BACH2: variants seen among roughly 807,000 people sequenced by gnomAD.
BACH2 encodes transcription regulator protein BACH2.
A neutral mutation model predicts 61.8 loss-of-function variants in BACH2; 5 were observed. The ratio of observed to expected loss-of-function variants is 0.08; its 90% CI spans 0.04 to 0.17. The LOEUF (loss-of-function observed/expected upper bound fraction) is 0.17. Among genes scored for constraint, BACH2 ranks in the 10% least tolerant of loss-of-function variants. The probability of loss-of-function intolerance (pLI) is 1.00; values close to 1 mark genes in which losing one functional copy is unlikely to be tolerated. For synonymous variants in BACH2, 446 were observed against 440.1 expected, an observed-to-expected ratio of 1.01 and a Z score of -0.17; for missense variants, 824 against 1,091.1, an observed-to-expected ratio of 0.76 and a Z score of 3.45.
chr6:90,060,932 G>A (rs1780653841), intron 5 of BACH2, among the ~76,000 whole-genome samples: 1 of 152,076 alleles, frequency 6.6e-6, no homozygotes, highest in African/African-American at 2.4e-5. Flanking sequence ...GTTTACTGTT[G>A]ACATATATGC....
chr6:90,013,593 G>A (rs1370093592), intron 5 of BACH2, among the ~76,000 whole-genome samples: 2 of 148,772 alleles, frequency 1.3e-5, no homozygotes, highest in African/African-American at 2.5e-5. Context: ...TGCAAGCTCT[G>A]CCTCCTGGGT....
At chr6:90,049,962 T>C (rs780755803) in intron 5 of BACH2, among the ~76,000 whole-genome samples, 1 of 152,186 alleles carries the variant, frequency 6.6e-6, no homozygotes, top group South Asian at 2.1e-4. Context: ...TGGGAGACAT[T>C]TTCTTGAAAT....
At chr6:90,271,019 G>A (rs1210665791) in intron 2 of BACH2, among the ~76,000 whole-genome samples, 2 of 152,118 alleles carry the variant, frequency 1.3e-5, no homozygotes, top group Non-Finnish European at 2.9e-5. Context: ...TAATTGGCAA[G>A]CCACATGTAG....
At chr6:90,258,942 C>G (rs1048546098) in intron 2 of BACH2, among the ~76,000 whole-genome samples, 2 of 152,036 alleles carry the variant, frequency 1.3e-5, no homozygotes, top group African/African-American at 4.8e-5. Context: ...ATTCGTTGTT[C>G]TAACAGTTTT....
intron 4 of BACH2, among the ~76,000 whole-genome samples, chr6:90,156,880 G>GA (rs1785012577): frequency 6.6e-6 from 1 of 152,228 alleles, no homozygotes; most frequent in African/African-American, 2.4e-5. Context: ...AGGCGGCCCT[G>GA]AAAATCTCAT....
chr6:90,133,787 C>T lies in BACH2; in HGVS notation c.-161-44678G>A, dbSNP rs570271108. Among the ~76,000 whole-genome samples, 240 of 152,100 alleles carry T rather than the reference C, an allele frequency of 1.6e-3. 1 individual carries two copies. The highest frequency in any genetic ancestry group is 4.4e-3 in the African/African-American group (184 of 41,496). On this transcript the variant is annotated intron_variant, in intron 4 of 8. Coordinates refer to ENST00000257749, the MANE Select transcript of BACH2 (RefSeq NM_021813.4). Reference sequence around the variant, plus strand: ...ATTCCCACCTATGAGTGAGAACATGCGGTGTTTGGTTTTTTGCCCTTGCGA... The same window carrying T: ...ATTCCCACCTATGAGTGAGAACATGTGGTGTTTGGTTTTTTGCCCTTGCGA...
chr6:90,062,836 C>T (rs955786992), intron 5 of BACH2: 4 of 690,578 alleles, frequency 5.8e-6, no homozygotes, highest in East Asian at 1.4e-4. Context: ...ATCCTGAGAG[C>T]AGTGTGGGTA....
At chr6:90,291,770 T>C (rs767095768) in intron 1 of BACH2, among the ~76,000 whole-genome samples, 4 of 152,234 alleles carry the variant, frequency 2.6e-5, no homozygotes, top group Admixed American at 6.5e-5. Context: ...TATATTGCTA[T>C]TAACAATACA....
chr6:90,276,068 G>T (rs968977767), intron 1 of BACH2, among the ~76,000 whole-genome samples: 5 of 152,140 alleles, frequency 3.3e-5, no homozygotes, highest in Admixed American at 6.5e-5. Flanking sequence ...TTGGAGGTCA[G>T]AGTAGTCACA....
intron 3 of BACH2, among the ~76,000 whole-genome samples, chr6:90,213,368 G>C (rs1245494107): frequency 3.3e-5 from 5 of 152,210 alleles, no homozygotes; most frequent in Admixed American, 6.5e-5. Flanking sequence ...AGTTGGGTCT[G>C]GTTGGCTAGT....
At chr6:90,012,118 T>C (rs1237062478) in intron 5 of BACH2, among the ~76,000 whole-genome samples, 1 of 152,154 alleles carries the variant, frequency 6.6e-6, no homozygotes, top group East Asian at 1.9e-4. Context: ...TTTATGTTAC[T>C]ATCATAGTGT....
At chr6:90,000,708 T>C (rs1777091901) in intron 6 of BACH2, among the ~76,000 whole-genome samples, 1 of 152,220 alleles carries the variant, frequency 6.6e-6, no homozygotes, top group Admixed American at 6.5e-5. Flanking sequence ...CCTTCTGACA[T>C]GGTTAAAGAG....
At chr6:90,133,876 A>G (rs970046357) in intron 4 of BACH2, among the ~76,000 whole-genome samples, 1 of 152,092 alleles carries the variant, frequency 6.6e-6, no homozygotes, top group Admixed American at 6.6e-5. Flanking sequence ...TGAACTCATC[A>G]TTTTTTATGG....
chr6:89,960,702 CCTAG>C (rs1295760760), intron 6 of BACH2, among the ~76,000 whole-genome samples: 1 of 152,230 alleles, frequency 6.6e-6, no homozygotes, highest in African/African-American at 2.4e-5. Flanking sequence ...AATTATCAGG[CCTAG>C]CTAAGTATTG....
rs201749259 is a variant in BACH2, at chr6:89,988,711, C to T, written c.243+19891G>A. ...GCAAGTACTGGCATTTACTCATGGT[C>T]GATATCCAATACATATCTATTATTT... On this transcript the variant is annotated intron_variant, in intron 6 of 8. Coordinates refer to ENST00000257749, the MANE Select transcript of BACH2 (RefSeq NM_021813.4). Among the ~76,000 whole-genome samples the T allele has an allele frequency of 3.0e-4, 46 of 152,124 alleles. No homozygotes were observed. In the East Asian group the frequency reaches 7.3e-3, roughly 24 times the overall value.
chr6:90,134,728 T>G (rs1456989754), intron 4 of BACH2, among the ~76,000 whole-genome samples: 1 of 152,232 alleles, frequency 6.6e-6, no homozygotes, highest in Non-Finnish European at 1.5e-5. Flanking sequence ...GGAGCTGGTA[T>G]TTATGTCTAA....
intron 5 of BACH2, chr6:90,062,755 CAACT>C: frequency 5.5e-6 from 1 of 180,746 alleles, no homozygotes; most frequent in Non-Finnish European, 9.3e-6. Flanking sequence ...CCCTTCTCTC[CAACT>C]GTTTTTTTTT....
chr6:90,134,225 C>T (rs540380104), intron 4 of BACH2, among the ~76,000 whole-genome samples: 3 of 152,262 alleles, frequency 2.0e-5, no homozygotes, highest in African/African-American at 4.8e-5. Context: ...TTTTAATGAT[C>T]GCCATTCTAA....
intron 5 of BACH2, among the ~76,000 whole-genome samples, chr6:90,012,351 C>T (rs374739055): frequency 3.3e-5 from 5 of 152,056 alleles, no homozygotes; most frequent in African/African-American, 9.6e-5. Flanking sequence ...TCTCAGCAGC[C>T]GGGCATGGTG....
Sources: gnomAD v4.1 joint callset for allele counts (sites outside exome capture counted in the v4.1 genomes callset) on GRCh38, gnomAD v4.1.1 for gene constraint, MANE v1.5 for transcripts, NCBI Gene and HGNC (gene_info 2026-07-23, HGNC 2026-07-21) for gene names.